Variants in ARSG observed in about 807,000 individuals in gnomAD.
ARSG encodes the protein ASG.
A neutral mutation model predicts 50.5 loss-of-function variants in ARSG; 37 were observed. The observed-to-expected ratio is 0.73, with a 90% CI of 0.56 to 0.96. The LOEUF (loss-of-function observed/expected upper bound fraction) is 0.96. Ranked by LOEUF, ARSG falls within the 50% of genes least tolerant of loss-of-function variation. The pLI is 0.00. For missense variants in ARSG, 629 were observed against 675.3 expected (o/e 0.93, Z 0.76); for synonymous variants, 225 against 254.6 (o/e 0.88, Z 1.11).
intron 11 of ARSG, among the ~76,000 whole-genome samples, chr17:68,409,363 A>G (rs2081898781): frequency 7.4e-6 from 1 of 135,256 alleles, no homozygotes; most frequent in Non-Finnish European, 1.6e-5. Flanking sequence ...TCTCAGCACC[A>G]TTTATTAAAT....
chr17:68,433,776 T>TTTTTTTTTG, the ARSG span, among the ~76,000 whole-genome samples: 99 of 63,158 alleles, frequency 1.6e-3, no homozygotes, highest in African/African-American at 4.7e-3. Context: ...TTTTTTTTTT[T>TTTTTTTTTG]TTTTTTTTTT....
intron 2 of ARSG, among the ~76,000 whole-genome samples, chr17:68,313,603 A>G (rs2076949268): frequency 6.6e-6 from 1 of 151,970 alleles, no homozygotes; most frequent in Non-Finnish European, 1.5e-5. Flanking sequence ...GTCACGTCAC[A>G]GGTTCTGGAT....
At chr17:68,391,739 C>G (rs1057136040) in intron 9 of ARSG, among the ~76,000 whole-genome samples, 32 of 152,284 alleles carry the variant, frequency 2.1e-4, no homozygotes, top group Admixed American at 1.6e-3. Flanking sequence ...GAACCTTGGA[C>G]TCTGGACAGG....
At chr17:68,427,301 A>G (rs199609940), downstream of ARSG, 11 of 1,407,726 alleles carry the variant, frequency 7.8e-6, no homozygotes, top group South Asian at 6.9e-5. Context: ...AAATCATCAT[A>G]TATCTAGGAC....
intron 8 of ARSG, chr17:68,379,853 G>C: frequency 1.0e-6 from 1 of 985,372 alleles, no homozygotes; most frequent in Non-Finnish European, 1.2e-6. Context: ...CAGGTAATTT[G>C]GTTGGCACTT....
chr17:68,354,866 A>AAAAAC (rs758922996), intron 5 of ARSG, among the ~76,000 whole-genome samples: 11 of 152,228 alleles, frequency 7.2e-5, no homozygotes, highest in Non-Finnish European at 1.3e-4. Flanking sequence ...CCTGTGTCAA[A>AAAAAC]AAAACAAAAC....
intron 6 of ARSG, among the ~76,000 whole-genome samples, chr17:68,368,106 T>G (rs1042746730): frequency 6.6e-6 from 1 of 152,160 alleles, no homozygotes; most frequent in African/African-American, 2.4e-5. Flanking sequence ...AGGCTGAGAA[T>G]GGACAGGATA....
chr17:68,401,341 C>T lies in ARSG; in HGVS notation c.1213-19C>T. On this transcript the variant is annotated intron_variant, in intron 10 of 11. Transcript: ENST00000621439. The stretch of plus-strand genomic sequence containing the variant: ...TTCTGCCAATTTTTCTATTAGTAAG[C>T]TCTGCCACCCTTTCTCAGGTGCTGT... The T allele has an allele frequency of 6.2e-7, 1 of 1,611,140 alleles. No homozygotes were observed. The highest frequency in any genetic ancestry group is 8.5e-7 in the Non-Finnish European group (1 of 1,177,704).
At chr17:68,421,542 C>T (rs961237415), downstream of ARSG, 5 of 557,672 alleles carry the variant, frequency 9.0e-6, no homozygotes, top group Admixed American at 9.0e-5. Context: ...ATAGTTTGAA[C>T]GTATTTTAAA....
At chr17:68,401,601 G>A in intron 11 of ARSG, 151 bp downstream of exon 11, 1 of 630,160 alleles carries the variant, frequency 1.6e-6, no homozygotes, top group Non-Finnish European at 2.7e-6. Context: ...CCAAACCCAG[G>A]GTCCCTGCAC....
At position 68,395,108 on chromosome 17, in the gene ARSG, C is replaced by G; in HGVS notation, c.1127C>G (p.Ala376Gly). 1.2e-6 allele frequency: 2 copies of G among 1,614,084 alleles called. No homozygotes were observed. Among genetic ancestry groups the G allele is most frequent in the Non-Finnish European group, 1.7e-6 (2 of 1,179,950 alleles). The part of the protein sequence containing the change: ...LDIFPTVVAL[A>G]QASLPQGRRF... ...ATTTTTCCAACTGTGGTAGCCCTGG[C>G]CCAGGCCAGCTTACCTCAAGGACGG... The change falls in exon 10 of 12, where the codon GCC (alanine) becomes GGC (glycine). Residue 376 changes from alanine to glycine, a missense_variant. Transcript: ENST00000621439.
At chr17:68,441,139 T>G in the ARSG span, 1 of 152,328 alleles carries the variant, frequency 6.6e-6, no homozygotes, top group East Asian at 1.9e-4. Context: ...TTGGCAGGAC[T>G]TTCATGGAGA....
chr17:68,427,154 A>G (rs777157809), downstream of ARSG: 11 of 1,613,930 alleles, frequency 6.8e-6, no homozygotes, highest in Non-Finnish European at 9.3e-6. Flanking sequence ...TGGAGGCTGA[A>G]GATGCACTTG....
At chr17:68,368,768 C>T in intron 7 of ARSG, 24 bp downstream of exon 7, 1 of 1,607,300 alleles carries the variant, frequency 6.2e-7, no homozygotes, top group Non-Finnish European at 8.5e-7. Context: ...AGCCAGCCAG[C>T]CTAACTGCCA....
intron 7 of ARSG, among the ~76,000 whole-genome samples, chr17:68,369,887 G>A (rs1400449680): frequency 6.6e-6 from 1 of 152,190 alleles, no homozygotes; most frequent in Non-Finnish European, 1.5e-5. Context: ...GGCAAGGAAG[G>A]CAAGAGGCTC....
intron 2 of ARSG, among the ~76,000 whole-genome samples, chr17:68,320,445 G>A (rs1339508459): frequency 2.0e-5 from 3 of 152,178 alleles, no homozygotes; most frequent in African/African-American, 7.2e-5. Context: ...CAGAAGGGAA[G>A]GCAAGAGAAA....
the ARSG span, among the ~76,000 whole-genome samples, chr17:68,430,435 G>A: frequency 6.6e-6 from 1 of 152,222 alleles, no homozygotes; most frequent in Admixed American, 6.5e-5. Flanking sequence ...AGGCTTATCT[G>A]ATGACTAGTC....
intron 6 of ARSG, among the ~76,000 whole-genome samples, chr17:68,357,157 G>A (rs1568515728): frequency 2.6e-5 from 4 of 152,172 alleles, no homozygotes; most frequent in Admixed American, 2.6e-4. Flanking sequence ...CATTTGTTGA[G>A]CTCACTAGCT....
At chr17:68,409,987 T>C (rs1261873239) in intron 11 of ARSG, among the ~76,000 whole-genome samples, 1 of 150,924 alleles carries the variant, frequency 6.6e-6, no homozygotes, top group Admixed American at 6.6e-5. Context: ...CCTGAGACTT[T>C]GCTGAAGTTG....
Sources: allele counts gnomAD v4.1 joint callset (sites outside exome capture counted in the v4.1 genomes callset), GRCh38; gene constraint gnomAD v4.1.1; transcripts MANE v1.5; gene names NCBI Gene and HGNC (gene_info 2026-07-23, HGNC 2026-07-21).